Variants in NAA25 observed in about 807,000 individuals in gnomAD.
The protein encoded by NAA25 is N-alpha-acetyltransferase 25, NatB auxiliary subunit.
A neutral mutation model predicts 132.5 loss-of-function variants in NAA25; 30 were observed. The ratio of observed to expected loss-of-function variants is 0.23; its 90% confidence interval spans 0.17 to 0.31. NAA25 has a LOEUF of 0.31. Ranked by LOEUF, NAA25 falls within the 10% of genes least tolerant of loss-of-function variation. The probability of loss-of-function intolerance (pLI) is 1.00; values close to 1 mark genes in which losing one functional copy is unlikely to be tolerated. For synonymous variants in NAA25, 359 were observed against 401.9 expected (o/e 0.89, Z 1.28); for missense variants, 771 against 1,150.4 (o/e 0.67, Z 4.77).
At position 112,071,910 on chromosome 12, in the gene NAA25, C is replaced by T. The variant is rs763333514; in HGVS notation, c.1021G>A (p.Asp341Asn). The change falls in exon 10 of 24, where the codon GAT becomes AAT. Residue 341 changes from aspartate to asparagine, a missense_variant. Physicochemically the swap from Asp to Asn is conservative, Grantham distance 23. This residue lies in a region of NAA25 where 417 missense variants were observed against 733.8 expected (regional missense o/e 0.57). Coordinates refer to ENST00000261745, the MANE Select transcript of NAA25 (RefSeq NM_024953.4). ...GGTTTCTTACCCAGTTTGTACTCAT[C>T]GTTACAACCTTGACTTCGTAAACGC... ...IRRLRSQGCN[D>N]EYKLGDPEEL... 1.5e-5 allele frequency: 24 copies of T among 1,612,876 alleles called. No homozygotes were observed. Among genetic ancestry groups the T allele is most frequent in the South Asian group, 1.3e-4 (12 of 90,842 alleles).
At chr12:112,106,404 G>C (rs1250555300) in intron 1 of NAA25, among the ~76,000 whole-genome samples, 1 of 149,400 alleles carries the variant, frequency 6.7e-6, no homozygotes, top group East Asian at 2.0e-4. Flanking sequence ...AAAAAAAAAA[G>C]TCTGCAGGCA....
chr12:112,048,161 C>G (rs369406339), intron 16 of NAA25, 131 bp downstream of exon 16: 1 of 838,916 alleles, frequency 1.2e-6, no homozygotes. Context: ...AGTTCTGTTT[C>G]CCCACTGTCT....
rs1333373118 is a variant in NAA25, at chr12:112,029,155, A to G, written c.*376T>C. 1 of 176,264 alleles carries G rather than the reference A, an allele frequency of 5.7e-6. No individual in the cohort carries two copies. Among genetic ancestry groups the G allele is most frequent in the Non-Finnish European group, 1.2e-5 (1 of 82,466 alleles). The allele number at this position is 176,264 out of a possible 1,614,324, so 10.9% of individuals were successfully genotyped here. ...AAACTCTCAATGTTATTTATAATGG[A>G]AGGGCTATTCAGTTGCTATGAGGTT... is the stretch of plus-strand genomic sequence containing the variant. On this transcript the variant is annotated 3_prime_UTR_variant, in exon 24 of 24. Coordinates refer to ENST00000261745, the MANE Select transcript of NAA25 (RefSeq NM_024953.4).
chr12:112,071,532 A>T (rs1003909186), intron 10 of NAA25, among the ~76,000 whole-genome samples: 4 of 151,838 alleles, frequency 2.6e-5, no homozygotes, highest in Non-Finnish European at 5.9e-5. Flanking sequence ...GGGTTTCACC[A>T]TGTTGCCCCA....
In NAA25 at chr12:112,029,397, C is replaced by T; in HGVS notation, c.*134G>A. On this transcript the variant is annotated 3_prime_UTR_variant, in exon 24 of 24. Transcript: ENST00000261745. ...TATATATTTAACACCTAAAAAAATT[C>T]ACGATCAAAGTCCTTCATGCATTTT... 12 of 1,407,914 alleles carry T rather than the reference C, an allele frequency of 8.5e-6. No individual in the cohort carries two copies. In the South Asian group the frequency reaches 9.7e-5, roughly 11 times the overall value. 87.2% of individuals were successfully genotyped at this position (1,407,914 alleles called of 1,614,324 possible). A position where few individuals can be genotyped will look rare whatever the true frequency, so the allele number is the denominator to read the frequency against.
rs1220345949 is a variant in NAA25 at position 112,061,220 on chromosome 12, T to G, written c.1318A>C (p.Arg440=). The G allele has an allele frequency of 6.2e-7, 1 of 1,613,922 alleles. No individual in the cohort carries two copies. The highest frequency in any genetic ancestry group is 1.3e-5 in the African/African-American group (1 of 74,922). Residue 440 remains arginine (R), a synonymous_variant, in exon 12 of 24, where the codon AGA becomes CGA. Coordinates refer to ENST00000261745, the MANE Select transcript of NAA25 (RefSeq NM_024953.4). ...TGCTGGTACCTTAACATCAATTCTC[T>G]GACCACACTCAATTTCTGATTTTTA... ...MDKNQKLSVV[R]ELMLRYQHGL...
In NAA25 at chr12:112,054,664, C is replaced by G. The variant is rs951772697; in HGVS notation, c.1448-96G>C. On this transcript the variant is annotated intron_variant, in intron 13 of 23. Transcript: ENST00000261745. Reference sequence around the variant, plus strand: ...AACCTTATTGACATCATCACCCCCCCCAATAAATGAAGTTAAATGACAGAG... The same window carrying G: ...AACCTTATTGACATCATCACCCCCCGCAATAAATGAAGTTAAATGACAGAG... 44 of 1,102,926 alleles carry G rather than the reference C, an allele frequency of 4.0e-5. 1 individual carries two copies. In the South Asian group the frequency reaches 6.6e-4, roughly 17 times the overall value. 68.3% of individuals were successfully genotyped at this position (1,102,926 alleles called of 1,614,324 possible).
intron 17 of NAA25, among the ~76,000 whole-genome samples, chr12:112,044,210 C>T (rs1405877286): frequency 3.3e-5 from 5 of 151,256 alleles, no homozygotes; most frequent in African/African-American, 1.2e-4. Context: ...GGATTACAGG[C>T]GTCAGCTACC....
chr12:112,061,033 T>G (rs985848230), intron 12 of NAA25, 148 bp downstream of exon 12: 1 of 626,694 alleles, frequency 1.6e-6, no homozygotes, highest in African/African-American at 1.8e-5. Context: ...AAGAAAGGCT[T>G]TACATCATAT....
At chr12:112,102,411 C>A (rs1167182884) in intron 1 of NAA25, among the ~76,000 whole-genome samples, 1 of 151,944 alleles carries the variant, frequency 6.6e-6, no homozygotes, top group Non-Finnish European at 1.5e-5. Context: ...CTAATCTCTT[C>A]ATCTTGCCCT....
chr12:112,083,546 C>A (rs938210704), intron 4 of NAA25, among the ~76,000 whole-genome samples: 1 of 151,736 alleles, frequency 6.6e-6, no homozygotes, highest in Non-Finnish European at 1.5e-5. Flanking sequence ...AAAAAAGATA[C>A]AGCAGCGGCA....
chr12:112,079,458 G>A (rs748121696), intron 5 of NAA25, among the ~76,000 whole-genome samples: 33 of 152,014 alleles, frequency 2.2e-4, no homozygotes, highest in Non-Finnish European at 2.9e-5. Flanking sequence ...AGGTGTGTGT[G>A]GTGGTGCATG....
chr12:112,078,732 C>T lies in NAA25; in HGVS notation c.487G>A (p.Ala163Thr). The change falls in exon 6 of 24, where the codon GCA (alanine) becomes ACA (threonine). Residue 163 changes from alanine (A) to threonine (T), a missense_variant. This residue lies in a region of NAA25 where 417 missense variants were observed against 733.8 expected (regional missense o/e 0.57). Coordinates refer to ENST00000261745, the MANE Select transcript of NAA25 (RefSeq NM_024953.4). ...GTTTTTGAGAGGTTTTCATCCTGTG[C>T]CGATATAGACTGAAAGAAGAAAAAT... Reference protein sequence around the residue: ...VMSLIMQSISAQDENLSKTMF... With the variant: ...VMSLIMQSISTQDENLSKTMF... The T allele has an allele frequency of 6.2e-7, 1 of 1,611,542 alleles. No homozygotes were observed. Among genetic ancestry groups the T allele is most frequent in the East Asian group, 2.2e-5 (1 of 44,834 alleles).
intron 1 of NAA25, among the ~76,000 whole-genome samples, chr12:112,099,730 G>T (rs2079265059): frequency 6.6e-6 from 1 of 152,180 alleles, no homozygotes; most frequent in Non-Finnish European, 1.5e-5. Context: ...TGGAGAAGAG[G>T]TCCTGGGATT....
chr12:112,079,969 T>C (rs1005298213), intron 5 of NAA25, among the ~76,000 whole-genome samples: 13 of 152,016 alleles, frequency 8.6e-5, no homozygotes, highest in African/African-American at 2.9e-4. Context: ...ACAAATAAAC[T>C]GATATACCAA....
chr12:112,084,486 A>C (rs972960436), intron 4 of NAA25, among the ~76,000 whole-genome samples: 1 of 152,200 alleles, frequency 6.6e-6, no homozygotes, highest in Non-Finnish European at 1.5e-5. Context: ...CAATAATGAC[A>C]GTATAAAAAT....
At position 112,027,714 on chromosome 12, in the gene NAA25, G is replaced by A. The variant is rs1283170547; in HGVS notation, c.*1817C>T. The A allele has an allele frequency of 2.6e-5, 4 of 152,138 alleles. No homozygotes were observed. The highest frequency in any genetic ancestry group is 9.7e-5 in the African/African-American group (4 of 41,400). The allele number at this position is 152,138 out of a possible 1,614,324, so 9.4% of individuals were successfully genotyped here. A position where few individuals can be genotyped will look rare whatever the true frequency, so the allele number is the denominator to read the frequency against. ...AGTACAGTACTTTTTTGGATATTCA[G>A]AGAGACATCATTTCAAGAACACACG... On this transcript the variant is annotated 3_prime_UTR_variant, in exon 24 of 24. Transcript: ENST00000261745.
chr12:112,038,277 G>A (rs1027372107), intron 22 of NAA25, among the ~76,000 whole-genome samples: 1 of 152,126 alleles, frequency 6.6e-6, no homozygotes, highest in Non-Finnish European at 1.5e-5. Context: ...GCCTCCCAAA[G>A]TGCTGGGATT....
chr12:112,066,839 C>A (rs755946217), intron 11 of NAA25, among the ~76,000 whole-genome samples: 2 of 152,142 alleles, frequency 1.3e-5, no homozygotes, highest in Non-Finnish European at 2.9e-5. Context: ...CCAAGTCTGC[C>A]AAAGTACTGA....
Sources: allele counts gnomAD v4.1 joint callset (sites outside exome capture counted in the v4.1 genomes callset), GRCh38; gene constraint gnomAD v4.1.1; regional missense constraint gnomAD v4.1.1; transcripts MANE v1.5; gene names NCBI Gene and HGNC (gene_info 2026-07-23, HGNC 2026-07-21).